Variants in ZNF239 observed in about 807,000 individuals in gnomAD.
ZNF239 encodes zinc finger protein (C2H2) homologous to mouse MOK-2.
ZNF239 carries 16 observed loss-of-function variants against 27.5 expected under a neutral mutation model. The observed-to-expected ratio is 0.58, with a 90% confidence interval of 0.39 to 0.88. The LOEUF is 0.88. Ranked by LOEUF, ZNF239 falls within the 40% of genes least tolerant of loss-of-function variation. The pLI is 0.00. For synonymous variants in ZNF239, 199 were observed against 192.6 expected (o/e 1.03, Z -0.27); for missense variants, 527 against 551.9 (o/e 0.95, Z 0.45).
Position 43,558,140 on chromosome 10 carries a change from AAG to A in ZNF239, c.-63_-62del. The A allele has an allele frequency of 2.0e-6, 3 of 1,512,128 alleles. No individual in the cohort carries two copies. The South Asian group carries it at 4.0e-5, about 20-fold the overall frequency. The allele number at this position is 1,512,128 out of a possible 1,614,324, so 93.7% of individuals were successfully genotyped here. A position where few individuals can be genotyped will look rare whatever the true frequency, so the allele number is the denominator to read the frequency against. On this transcript the variant is annotated 5_prime_UTR_variant, in exon 4 of 4. It removes the in-frame stop codon of an upstream open reading frame in the 5' UTR. Transcript: ENST00000374446. ...ACAGATCCTGAAGTGTTTTCTGCTG[AAG>A]ATTCTCCACAGAATTTTCATTCAAG...
At chr10:43,560,361 G>A (rs1414805918) in intron 3 of ZNF239, among the ~76,000 whole-genome samples, 1 of 152,102 alleles carries the variant, frequency 6.6e-6, no homozygotes, top group East Asian at 1.9e-4. Flanking sequence ...CTTTTTAATG[G>A]GAGTTCTGAC....
At position 43,557,823 on chromosome 10, in the gene ZNF239, G is replaced by A; in HGVS notation, c.257C>T (p.Pro86Leu). Residue 86 changes from proline to leucine, a missense_variant, in exon 4 of 4, where the codon CCT (proline) becomes CTT (leucine). Coordinates refer to ENST00000374446, the MANE Select transcript of ZNF239 (RefSeq NM_001099282.2). ...ACGTCTGCTTTCCTGATGATCCTGA[G>A]GCTCATTCTTACAGAACTTCACTGA... ...DSSVKFCKNE[P>L]QDHQESRRLF... 6.2e-7 allele frequency: 1 copy of A among 1,614,170 alleles called. No homozygotes were observed. Among genetic ancestry groups the A allele is most frequent in the South Asian group, 1.1e-5 (1 of 91,076 alleles).
intron 2 of ZNF239, chr10:43,568,360 A>G: frequency 1.0e-6 from 1 of 985,466 alleles, no homozygotes; most frequent in Non-Finnish European, 1.2e-6. Flanking sequence ...ACTCGCAGGA[A>G]CAATTTACCC....
intron 3 of ZNF239, chr10:43,564,338 T>C (rs1419230641): frequency 4.3e-6 from 4 of 928,898 alleles, no homozygotes; most frequent in East Asian, 1.2e-4. Context: ...AGGAGACTAG[T>C]GTACCTGCAA....
chr10:43,569,518 AG>A (rs1837899843), intron 2 of ZNF239, among the ~76,000 whole-genome samples: 1 of 152,178 alleles, frequency 6.6e-6, no homozygotes, highest in African/African-American at 2.4e-5. Context: ...GTGACCCAGC[AG>A]GCCCTTGAAC....
At chr10:43,572,046 T>C (rs867650196) in intron 2 of ZNF239, among the ~76,000 whole-genome samples, 14 of 152,248 alleles carry the variant, frequency 9.2e-5, no homozygotes, top group Non-Finnish European at 1.8e-4. Flanking sequence ...TTACCCAATG[T>C]CACAGAGGAA....
intron 3 of ZNF239, 37 bp from the exon 4 acceptor site, chr10:43,558,208 G>C: frequency 6.9e-7 from 1 of 1,449,786 alleles, no homozygotes; most frequent in Non-Finnish European, 9.1e-7. Context: ...AAGAACAAAG[G>C]GTAGACTTCA....
Position 43,558,053 on chromosome 10 carries a change from C to T in ZNF239, c.27G>A (p.Gln9=). The T allele has an allele frequency of 6.2e-7, 1 of 1,613,846 alleles. No homozygotes were observed. Among genetic ancestry groups the T allele is most frequent in the Non-Finnish European group, 8.5e-7 (1 of 1,179,866 alleles). Residue 9 remains glutamine, a synonymous_variant, in exon 4 of 4, where the codon CAG becomes CAA. Coordinates refer to ENST00000374446, the MANE Select transcript of ZNF239 (RefSeq NM_001099282.2). ...CCCCTCGATGATTCACAATACAATC[C>T]TGACTTCCAGTAATTGTACTGGCCA... MASTITGS[Q]DCIVNHRGEV... is the part of the protein sequence containing the mutation.
rs1024686210 is a variant in ZNF239 at position 43,556,455 on chromosome 10, T to C, written c.*248A>G. On this transcript the variant is annotated 3_prime_UTR_variant, in exon 4 of 4. Coordinates refer to ENST00000374446, the MANE Select transcript of ZNF239 (RefSeq NM_001099282.2). ...CCGTTAAAATGCTGGGTAGAACATG[T>C]AGTTGAATTGTAAAGTACAGACACT... The C allele has an allele frequency of 4.5e-6, 2 of 448,582 alleles. No individual in the cohort carries two copies. The highest frequency in any genetic ancestry group is 7.8e-6 in the Non-Finnish European group (2 of 255,402). The allele number at this position is 448,582 out of a possible 1,614,324, so 27.8% of individuals were successfully genotyped here.
chr10:43,557,122 C>T lies in ZNF239; in HGVS notation c.958G>A (p.Glu320Lys). The T allele has an allele frequency of 6.2e-7, 1 of 1,608,736 alleles. No homozygotes were observed. The highest frequency in any genetic ancestry group is 8.5e-7 in the Non-Finnish European group (1 of 1,178,046). Residue 320 changes from glutamate to lysine, a missense_variant, in exon 4 of 4, where the codon GAG (glutamate) becomes AAG (lysine). Transcript: ENST00000374446. Reference sequence around the variant, plus strand: ...AAGCTCATACCACACTCCTCACACTCATAGGGCTTCTCTCCAGTGTGGACT... The same window carrying T: ...AAGCTCATACCACACTCCTCACACTTATAGGGCTTCTCTCCAGTGTGGACT... ...QRVHTGEKPY[E>K]CEECGMSFSQ... is the part of the protein sequence containing the mutation.
chr10:43,572,124 C>A, intron 2 of ZNF239, among the ~76,000 whole-genome samples: 1 of 152,134 alleles, frequency 6.6e-6, no homozygotes, highest in East Asian at 1.9e-4. Flanking sequence ...ATAGAAAACA[C>A]ACAATGCTTG....
At chr10:43,565,866 T>C (rs1392686606) in intron 3 of ZNF239, among the ~76,000 whole-genome samples, 1 of 145,876 alleles carries the variant, frequency 6.9e-6, no homozygotes, top group Non-Finnish European at 1.5e-5. Context: ...CCAGAGAATC[T>C]GCAGAGCAAA....
Position 43,567,954 on chromosome 10 carries a change from G to T in ZNF239, c.-148C>A. On this transcript the variant is annotated 5_prime_UTR_variant, in exon 3 of 4. Coordinates refer to ENST00000374446, the MANE Select transcript of ZNF239 (RefSeq NM_001099282.2). ...CACAGCTCCGCACAGCTTCCTGGGA[G>T]CAGAGTCCAGGTGACCTCACTCCTC... 1 of 985,898 alleles carries T rather than the reference G, an allele frequency of 1.0e-6. No individual in the cohort carries two copies. Among genetic ancestry groups the T allele is most frequent in the Non-Finnish European group, 1.2e-6 (1 of 830,040 alleles). 61.1% of individuals were successfully genotyped at this position (985,898 alleles called of 1,614,324 possible).
At chr10:43,560,003 G>A (rs1837106964) in intron 3 of ZNF239, among the ~76,000 whole-genome samples, 1 of 152,170 alleles carries the variant, frequency 6.6e-6, no homozygotes, top group Non-Finnish European at 1.5e-5. Flanking sequence ...CCATTTCTCT[G>A]GAGTCTATGT....
At chr10:43,570,303 C>T in intron 2 of ZNF239, 4 of 985,178 alleles carry the variant, frequency 4.1e-6, no homozygotes, top group Non-Finnish European at 3.6e-6. Flanking sequence ...AGGCTCAAGC[C>T]CCGGAGTAAA....
Position 43,556,791 on chromosome 10 carries a change from G to T in ZNF239, c.1289C>A (p.Pro430His). 4 of 1,614,070 alleles carry T rather than the reference G, an allele frequency of 2.5e-6. No homozygotes were observed. The highest frequency in any genetic ancestry group is 2.5e-6 in the Non-Finnish European group (3 of 1,180,008). Residue 430 changes from proline to histidine, a missense_variant, in exon 4 of 4, where the codon CCC becomes CAC. Coordinates refer to ENST00000374446, the MANE Select transcript of ZNF239 (RefSeq NM_001099282.2). ...CTTCCCACACTTGCTGCACTCATAG[G>T]GCTTCTCTCCAGTATGTACTCTCTG... ...IHQRVHTGEK[P>H]YECSKCGKGF...
At position 43,564,542 on chromosome 10, in the gene ZNF239, A is replaced by T. The variant is rs185039972; in HGVS notation, c.-93+3357T>A. On this transcript the variant is annotated intron_variant, in intron 3 of 3. Transcript: ENST00000374446. ...GGACGAGAAGAGAGAAATTTTTTTT[A>T]AAAAATTTTTTTATTTTGAGACAGG... 2.2e-3 allele frequency among the ~76,000 whole-genome samples: 335 copies of T among 152,134 alleles called. 2 individuals carry two copies. The highest frequency in any genetic ancestry group is 7.2e-3 in the African/African-American group (297 of 41,506).
At chr10:43,572,608 C>A (rs190757083) in intron 2 of ZNF239, among the ~76,000 whole-genome samples, 1 of 152,184 alleles carries the variant, frequency 6.6e-6, no homozygotes, top group African/African-American at 2.4e-5. Context: ...AAACAAAGGA[C>A]AAGGCACTTT....
chr10:43,569,626 C>G (rs1335913482), intron 2 of ZNF239, among the ~76,000 whole-genome samples: 1 of 152,252 alleles, frequency 6.6e-6, no homozygotes, highest in Non-Finnish European at 1.5e-5. Flanking sequence ...AAGCATGTCA[C>G]TGACCATCTA....
Sources: allele counts gnomAD v4.1 joint callset (sites outside exome capture counted in the v4.1 genomes callset), GRCh38; gene constraint gnomAD v4.1.1; transcripts MANE v1.5; gene names NCBI Gene and HGNC (gene_info 2026-07-23, HGNC 2026-07-21).